MOXD1: variants seen among roughly 807,000 people sequenced by gnomAD.
The protein encoded by MOXD1 is monooxygenase DBH like 1.
Under a neutral mutation model 66.6 loss-of-function variants are expected in MOXD1, and 62 were observed. The observed-to-expected ratio is 0.93, with a 90% CI of 0.76 to 1.15. MOXD1 has a LOEUF of 1.15. Ranked by LOEUF, MOXD1 falls within the 50% of genes most tolerant of loss-of-function variation. MOXD1 has a pLI of 0.00. For missense variants in MOXD1, 847 were observed against 754.6 expected (o/e 1.12, Z -1.44); for synonymous variants, 303 against 281.9 (o/e 1.07, Z -0.75).
intron 1 of MOXD1, among the ~76,000 whole-genome samples, chr6:132,396,279 C>T (rs1409315308): frequency 1.3e-5 from 2 of 151,904 alleles, no homozygotes; most frequent in Admixed American, 6.5e-5. Context: ...AAACAACATA[C>T]TCCTGAATGA....
chr6:132,346,411 A>G (rs1361130825), intron 4 of MOXD1, among the ~76,000 whole-genome samples: 2 of 152,204 alleles, frequency 1.3e-5, no homozygotes, highest in African/African-American at 4.8e-5. Context: ...AAAAAATGTA[A>G]TAAATGGCCC....
intron 4 of MOXD1, among the ~76,000 whole-genome samples, chr6:132,346,093 C>T (rs7754123): frequency 0.057 from 8,639 of 151,520 alleles, 461 homozygotes; most frequent in African/African-American, 0.14. Context: ...GATTTCAAGG[C>T]CTAATAATTC....
intron 4 of MOXD1, among the ~76,000 whole-genome samples, chr6:132,346,712 A>G (rs1275815120): frequency 2.0e-5 from 3 of 152,308 alleles, no homozygotes; most frequent in Middle Eastern, 3.4e-3. Context: ...TCTTTAAATC[A>G]TATTTTTTTG....
At chr6:132,310,255 C>T (rs1774798443) in intron 10 of MOXD1, among the ~76,000 whole-genome samples, 1 of 152,170 alleles carries the variant, frequency 6.6e-6, no homozygotes, top group Admixed American at 6.6e-5. Context: ...AACTCAACAT[C>T]ACTGATCATC....
intron 4 of MOXD1, among the ~76,000 whole-genome samples, chr6:132,335,969 G>A (rs908145479): frequency 6.6e-6 from 1 of 152,132 alleles, no homozygotes; most frequent in Non-Finnish European, 1.5e-5. Flanking sequence ...TACCTTTCTT[G>A]TCTTGTCTGA....
chr6:132,360,715 G>A (rs1283514684), intron 4 of MOXD1, among the ~76,000 whole-genome samples: 1 of 152,134 alleles, frequency 6.6e-6, no homozygotes. Context: ...TCCAGACTGT[G>A]AGGTCTTTGG....
At chr6:132,370,599 A>G (rs1315791844) in intron 4 of MOXD1, among the ~76,000 whole-genome samples, 5 of 152,212 alleles carry the variant, frequency 3.3e-5, no homozygotes, top group African/African-American at 1.2e-4. Flanking sequence ...TCTAGCCACC[A>G]AACCTCTGTC....
rs1250621027 is a variant in MOXD1 at position 132,401,393 on chromosome 6, GC to G, written c.33del (p.Leu12CysfsTer87). 5 of 1,528,900 alleles carry G rather than the reference GC, an allele frequency of 3.3e-6. No homozygotes were observed. The East Asian group carries it at 7.6e-5, about 23-fold the overall frequency. 94.7% of individuals were successfully genotyped at this position (1,528,900 alleles called of 1,614,324 possible). MCCWPLLLLW[G>X]LLPGTAAGGS... ...CCCCCCGCCGCCGTCCCGGGGAGCA[GC>G]CCCCACAGCAGGAGCAGCGGCCAGC... On this transcript the variant is annotated frameshift_variant, in exon 1 of 12. Coordinates refer to ENST00000367963, the MANE Select transcript of MOXD1 (RefSeq NM_015529.4). LOFTEE classifies it high-confidence loss of function.
At chr6:132,394,390 C>G (rs530159595) in intron 1 of MOXD1, among the ~76,000 whole-genome samples, 3 of 152,154 alleles carry the variant, frequency 2.0e-5, no homozygotes, top group East Asian at 3.9e-4. Flanking sequence ...TGTAAGGACA[C>G]AAGAAGCATG....
chr6:132,390,494 A>C (rs1257754042), intron 1 of MOXD1: 1 of 151,448 alleles, frequency 6.6e-6, no homozygotes, highest in East Asian at 1.9e-4. Context: ...TCTCTTGCTT[A>C]TTTATTTGTT....
intron 1 of MOXD1, among the ~76,000 whole-genome samples, chr6:132,380,579 T>C (rs1776487255): frequency 6.6e-6 from 1 of 152,230 alleles, no homozygotes; most frequent in Non-Finnish European, 1.5e-5. Flanking sequence ...GAATTCCTAT[T>C]CCTCTATTTA....
intron 4 of MOXD1, among the ~76,000 whole-genome samples, chr6:132,366,249 A>G (rs1025401034): frequency 6.6e-6 from 1 of 152,190 alleles, no homozygotes. Flanking sequence ...TTGCCTTTAG[A>G]AAATAAATAG....
intron 4 of MOXD1, among the ~76,000 whole-genome samples, chr6:132,333,128 A>G (rs1775360099): frequency 6.6e-6 from 1 of 152,134 alleles, no homozygotes. Flanking sequence ...CAAGGTCAGG[A>G]GATCGAGACC....
intron 4 of MOXD1, among the ~76,000 whole-genome samples, chr6:132,358,218 A>G (rs930669868): frequency 6.6e-6 from 1 of 152,220 alleles, no homozygotes; most frequent in Non-Finnish European, 1.5e-5. Context: ...AGGTTCATAT[A>G]GGTTAAATAA....
At chr6:132,323,779 A>C in intron 7 of MOXD1, 152 bp downstream of exon 7, 1 of 781,058 alleles carries the variant, frequency 1.3e-6, no homozygotes, top group Non-Finnish European at 1.9e-6. Context: ...TTAAAAAAGC[A>C]GTCAAAAGTC....
Position 132,322,736 on chromosome 6 carries a change from A to T in MOXD1, c.1248T>A (p.Asp416Glu). ...KEMKLLAYDDDFDFNFQEFQY... is the reference protein window; with the variant it reads ...KEMKLLAYDDEFDFNFQEFQY... Reference sequence around the variant, plus strand: ...GAAACTCCTGGAAATTGAAGTCAAAATCATCATCATAGGCAAGTAATTTCA... The same window carrying T: ...GAAACTCCTGGAAATTGAAGTCAAATTCATCATCATAGGCAAGTAATTTCA... The change falls in exon 8 of 12, where the codon GAT (aspartate) becomes GAA (glutamate). Residue 416 changes from aspartate to glutamate, a missense_variant. Coordinates refer to ENST00000367963, the MANE Select transcript of MOXD1 (RefSeq NM_015529.4). 1 of 1,614,134 alleles carries T rather than the reference A, an allele frequency of 6.2e-7. No homozygotes were observed. The highest frequency in any genetic ancestry group is 8.5e-7 in the Non-Finnish European group (1 of 1,179,988).
rs550275894 is a variant in MOXD1 at position 132,321,159 on chromosome 6, G to A, written c.1306-471C>T. 3.9e-5 allele frequency among the ~76,000 whole-genome samples: 6 copies of A among 152,110 alleles called. No homozygotes were observed. In the East Asian group the frequency reaches 1.2e-3, roughly 29 times the overall value. On this transcript the variant is annotated intron_variant, in intron 8 of 11. Coordinates refer to ENST00000367963, the MANE Select transcript of MOXD1 (RefSeq NM_015529.4). ...GGGCACCTTTAATTCCAGCTTCTCA[G>A]GAAGCTGAGGCAGAGAATTGCTTGA...
In MOXD1 at chr6:132,296,514, G is replaced by A. The variant is rs1181790068; in HGVS notation, c.*639C>T. The A allele has an allele frequency of 6.6e-6, 1 of 152,098 alleles. No homozygotes were observed. The highest frequency in any genetic ancestry group is 1.5e-5 in the Non-Finnish European group (1 of 68,014). 9.4% of individuals were successfully genotyped at this position (152,098 alleles called of 1,614,324 possible). A position where few individuals can be genotyped will look rare whatever the true frequency, so the allele number is the denominator to read the frequency against. ...AACTCATCTGGCCAGTACTAAACAGGGAAGGTGAAAAAAAGTACTTTAAGA... is the reference window on the plus strand; with the variant it reads ...AACTCATCTGGCCAGTACTAAACAGAGAAGGTGAAAAAAAGTACTTTAAGA... On this transcript the variant is annotated 3_prime_UTR_variant, in exon 12 of 12. Coordinates refer to ENST00000367963, the MANE Select transcript of MOXD1 (RefSeq NM_015529.4).
intron 1 of MOXD1, 157 bp from the exon 2 acceptor site, chr6:132,374,934 C>T: frequency 1.4e-6 from 1 of 690,858 alleles, no homozygotes; most frequent in Non-Finnish European, 2.4e-6. Flanking sequence ...AATCAGGTCC[C>T]TGGGAAACTA....
Sources: allele counts gnomAD v4.1 joint callset (sites outside exome capture counted in the v4.1 genomes callset), GRCh38; gene constraint gnomAD v4.1.1; transcripts MANE v1.5; gene names NCBI Gene and HGNC (gene_info 2026-07-23, HGNC 2026-07-21).